ARGLU1: variants seen among roughly 807,000 people sequenced by gnomAD.
The protein encoded by ARGLU1 is arginine and glutamate rich 1.
In ARGLU1, 9 loss-of-function variants were observed where a neutral mutation model predicts 37.6. The observed-to-expected ratio is 0.24, with a 90% confidence interval of 0.14 to 0.42. ARGLU1 has a LOEUF of 0.42. Among genes scored for constraint, ARGLU1 ranks in the 10% least tolerant of loss-of-function variants. The pLI, the probability that ARGLU1 is intolerant of heterozygous loss-of-function variation, is 1.00. For synonymous variants in ARGLU1, 166 were observed against 138.5 expected, an observed-to-expected ratio of 1.20 and a Z score of -1.39; for missense variants, 211 against 359.2, an observed-to-expected ratio of 0.59 and a Z score of 3.34.
At chr13:106,558,200 A>G (rs2138972277) in intron 2 of ARGLU1, 2 of 985,258 alleles carry the variant, frequency 2.0e-6, no homozygotes, top group Non-Finnish European at 2.4e-6. Flanking sequence ...ACTCGCTACA[A>G]GACAGCACCA....
Position 106,559,677 on chromosome 13 carries a change from A to G in ARGLU1, c.348-20T>C, listed in dbSNP as rs776704633. The G allele has an allele frequency of 2.5e-6, 4 of 1,598,056 alleles. No homozygotes were observed. The South Asian group carries it at 4.6e-5, about 18-fold the overall frequency. On this transcript the variant is annotated intron_variant, in intron 1 of 3. Transcript: ENST00000400198. ...TGTCGACTAGCAAACAAAGTGAAAA[A>G]AACAAGTTAGGTATTTACTTTTAAA... is the stretch of plus-strand genomic sequence containing the variant.
In ARGLU1 at chr13:106,559,563, T is replaced by A; in HGVS notation, c.442A>T (p.Lys148Ter). The A allele has an allele frequency of 6.2e-7, 1 of 1,614,228 alleles. No individual in the cohort carries two copies. Among genetic ancestry groups the A allele is most frequent in the Non-Finnish European group, 8.5e-7 (1 of 1,180,048 alleles). The change falls in exon 2 of 4, where the codon AAA (lysine) becomes TAA (stop). Residue 148 changes from lysine (K) to a stop codon, truncating the protein, a stop_gained. Transcript: ENST00000400198. LOFTEE classifies it high-confidence loss of function. ...VAKRVEEELE[K>*]RKDEIEREVL... ...TCTCGTTCAATTTCATCCTTCCTTT[T>A]CTCCAGTTCTTCCTCCACCCTTTTT...
At chr13:106,562,940 G>A (rs369622313) in intron 1 of ARGLU1, among the ~76,000 whole-genome samples, 2 of 135,384 alleles carry the variant, frequency 1.5e-5, no homozygotes, top group East Asian at 4.6e-4. Context: ...CTGAGATTGC[G>A]CCACTGCACC....
At chr13:106,551,680 G>A (rs527449537) in intron 3 of ARGLU1, among the ~76,000 whole-genome samples, 25 of 152,218 alleles carry the variant, frequency 1.6e-4, no homozygotes, top group Admixed American at 1.4e-3. Context: ...GTGTCAGAAG[G>A]GTGTCCATTC....
intron 1 of ARGLU1, among the ~76,000 whole-genome samples, chr13:106,560,154 T>TA (rs1226017209): frequency 6.6e-6 from 1 of 152,208 alleles, no homozygotes; most frequent in Non-Finnish European, 1.5e-5. Flanking sequence ...ATTGCTGGAC[T>TA]AATAGTGCGT....
chr13:106,561,361 A>C (rs1880795001), intron 1 of ARGLU1, among the ~76,000 whole-genome samples: 1 of 152,118 alleles, frequency 6.6e-6, no homozygotes, highest in South Asian at 2.1e-4. Flanking sequence ...CTGGATAATG[A>C]GTACCCAAGA....
rs552955862 is a variant in ARGLU1 at position 106,560,927 on chromosome 13, G to C, written c.348-1270C>G. On this transcript the variant is annotated intron_variant, in intron 1 of 3. Transcript: ENST00000400198. ...CCACTTCAACTCAACTCTATTCTTC[G>C]GGATGATTCAATTCTCACCCAAGGG... 4.6e-5 allele frequency among the ~76,000 whole-genome samples: 7 copies of C among 152,106 alleles called. No individual in the cohort carries two copies. The East Asian group carries it at 1.2e-3, about 25-fold the overall frequency.
chr13:106,549,814 T>C (rs1184014622), intron 3 of ARGLU1, among the ~76,000 whole-genome samples: 1 of 152,208 alleles, frequency 6.6e-6, no homozygotes, highest in Non-Finnish European at 1.5e-5. Flanking sequence ...TGAAGACAAC[T>C]GTTTCAAAAG....
chr13:106,542,414 T>C lies in ARGLU1; in HGVS notation c.*1582A>G, dbSNP rs1257205652. ...ATAAAATGTTTGATTTTAGAGTAAG[T>C]AGTATGTTTACTAAAAGTTCTCACT... On this transcript the variant is annotated 3_prime_UTR_variant, in exon 4 of 4. Transcript: ENST00000400198. 2.0e-5 allele frequency: 3 copies of C among 152,096 alleles called. No homozygotes were observed. The highest frequency in any genetic ancestry group is 2.1e-4 in the South Asian group (1 of 4,830). The allele number at this position is 152,096 out of a possible 1,614,324, so 9.4% of individuals were successfully genotyped here.
At chr13:106,550,290 G>A (rs1488532722) in intron 3 of ARGLU1, among the ~76,000 whole-genome samples, 2 of 152,038 alleles carry the variant, frequency 1.3e-5, no homozygotes, top group East Asian at 1.9e-4. Context: ...CAGTGGCTTC[G>A]TGTTTCCAAT....
intron 1 of ARGLU1, among the ~76,000 whole-genome samples, chr13:106,561,424 T>TACAC (rs59373729): frequency 0.029 from 4,340 of 147,926 alleles, 65 homozygotes; most frequent in African/African-American, 0.034. Context: ...TAATAAAGTG[T>TACAC]ACACACACAC....
At position 106,567,755 on chromosome 13, in the gene ARGLU1, C is replaced by T. The variant is rs1881017824; in HGVS notation, c.165G>A (p.Arg55=). 3 of 1,611,952 alleles carry T rather than the reference C, an allele frequency of 1.9e-6. No homozygotes were observed. The highest frequency in any genetic ancestry group is 2.7e-5 in the African/African-American group (2 of 74,826). ...CCGTGTTGGTGGAGCGCGAACGGGACCGCGACTCCCGCCGCCGGTTCCGTT... is the reference window on the plus strand; with the variant it reads ...CCGTGTTGGTGGAGCGCGAACGGGATCGCGACTCCCGCCGCCGGTTCCGTT... ...ESKRNRRRES[R]SRSRSTNTAV... Residue 55 remains arginine (R), a synonymous_variant, in exon 1 of 4, where the codon CGG becomes CGA. Transcript: ENST00000400198. The surrounding 1 kb of genome is among the most constrained non-coding windows in gnomAD (Gnocchi z 4.3).
intron 1 of ARGLU1, among the ~76,000 whole-genome samples, chr13:106,560,916 C>G (rs986789621): frequency 2.0e-5 from 3 of 152,208 alleles, no homozygotes; most frequent in African/African-American, 7.2e-5. Flanking sequence ...TTCAACTCAA[C>G]TCTATTCTTC....
At chr13:106,555,572 C>G (rs575317048) in intron 3 of ARGLU1, among the ~76,000 whole-genome samples, 1 of 151,908 alleles carries the variant, frequency 6.6e-6, no homozygotes, top group Non-Finnish European at 1.5e-5. Context: ...TTGTATTTTG[C>G]GAAAGTAGAG....
In ARGLU1 at chr13:106,567,827, G is replaced by T; in HGVS notation, c.93C>A (p.Ser31=). ...NKKRSRSRSR[S]RDKERVRKRS... The stretch of plus-strand genomic sequence containing the variant: ...GCTTCCGCACGCGCTCCTTGTCCCG[G>T]GATCGCGACCGGGACCGGCTGCGCT... Residue 31 remains serine (S), a synonymous_variant, in exon 1 of 4, where the codon TCC becomes TCA. Coordinates refer to ENST00000400198, the MANE Select transcript of ARGLU1 (RefSeq NM_018011.4). This position sits in a 1 kb window ranked among gnomAD's most constrained non-coding sequence, Gnocchi z 4.3. 6.2e-7 allele frequency: 1 copy of T among 1,613,664 alleles called. No homozygotes were observed. The highest frequency in any genetic ancestry group is 8.5e-7 in the Non-Finnish European group (1 of 1,179,878).
Position 106,543,889 on chromosome 13 carries a change from A to G in ARGLU1, c.*107T>C. ...CTATTAGAACAAGCTAACTTTCCAG[A>G]TTTTACAAATTAAAAAAACAAAAAC... On this transcript the variant is annotated 3_prime_UTR_variant, in exon 4 of 4. Coordinates refer to ENST00000400198, the MANE Select transcript of ARGLU1 (RefSeq NM_018011.4). The G allele has an allele frequency of 8.6e-7, 1 of 1,161,236 alleles. No individual in the cohort carries two copies. Among genetic ancestry groups the G allele is most frequent in the Admixed American group, 3.2e-5 (1 of 31,500 alleles). The allele number at this position is 1,161,236 out of a possible 1,614,324, so 71.9% of individuals were successfully genotyped here.
chr13:106,554,114 CTA>C (rs1165156889), intron 3 of ARGLU1, among the ~76,000 whole-genome samples: 2 of 152,240 alleles, frequency 1.3e-5, no homozygotes, highest in Non-Finnish European at 2.9e-5. Flanking sequence ...CCCAGGGCAA[CTA>C]TGTCATTATC....
At position 106,557,890 on chromosome 13, in the gene ARGLU1, C is replaced by T. The variant is rs1176556089; in HGVS notation, c.574-759G>A. On this transcript the variant is annotated intron_variant, in intron 2 of 3. Coordinates refer to ENST00000400198, the MANE Select transcript of ARGLU1 (RefSeq NM_018011.4). This position sits in a 1 kb window ranked among gnomAD's most constrained non-coding sequence, Gnocchi z 5.0. ...CTTAACATTCAGATGTTGACAATTTCGGAAGGCAGCTTATATTGTCATCTA... is the reference window on the plus strand; with the variant it reads ...CTTAACATTCAGATGTTGACAATTTTGGAAGGCAGCTTATATTGTCATCTA... 9.1e-6 allele frequency: 9 copies of T among 985,386 alleles called. No homozygotes were observed. The highest frequency in any genetic ancestry group is 1.1e-5 in the Non-Finnish European group (9 of 829,904). The allele number at this position is 985,386 out of a possible 1,614,324, so 61.0% of individuals were successfully genotyped here.
rs552959746 is a variant in ARGLU1, at chr13:106,552,774, C to T, written c.657+4274G>A. ...TAAAGATAGTTATGTGTCGCCAACACTAACTCAAGAACAAAGAACAATCTG... is the reference window on the plus strand; with the variant it reads ...TAAAGATAGTTATGTGTCGCCAACATTAACTCAAGAACAAAGAACAATCTG... On this transcript the variant is annotated intron_variant, in intron 3 of 3. Transcript: ENST00000400198. Among the ~76,000 whole-genome samples the T allele has an allele frequency of 3.1e-4, 47 of 152,276 alleles. No individual in the cohort carries two copies. The East Asian group carries it at 8.9e-3, about 29-fold the overall frequency.
Sources: gnomAD v4.1 joint callset for allele counts (sites outside exome capture counted in the v4.1 genomes callset) on GRCh38, gnomAD v4.1.1 for gene constraint, Gnocchi (gnomAD v3.1) non-coding constraint, MANE v1.5 for transcripts, NCBI Gene and HGNC (gene_info 2026-07-23, HGNC 2026-07-21) for gene names.